The following FRAS1 variants were observed in gnomAD, a reference collection of about 807,000 sequenced individuals.
FRAS1 encodes Fraser extracellular matrix complex subunit 1.
A neutral mutation model predicts 435.2 loss-of-function variants in FRAS1; 290 were observed. The ratio of observed to expected loss-of-function variants is 0.67; its 90% confidence interval spans 0.61 to 0.73. The LOEUF (loss-of-function observed/expected upper bound fraction) is 0.73, where lower values mean the gene tolerates loss of function less well. FRAS1 is among the 30% of genes least tolerant of loss of function. FRAS1 has a pLI of 0.00. For missense variants in FRAS1, 4,860 were observed against 5,001.5 expected, an observed-to-expected ratio of 0.97 and a Z score of 0.85; for synonymous variants, 1,800 against 1,851.0, an observed-to-expected ratio of 0.97 and a Z score of 0.71.
intron 9 of FRAS1, 129 bp downstream of exon 9, chr4:78,267,561 A>G (rs1726428229): frequency 1.2e-6 from 1 of 802,200 alleles, no homozygotes; most frequent in Admixed American, 2.8e-5. Flanking sequence ...ACTTCATAGG[A>G]CCTTCTAGTG....
At chr4:78,147,402 T>C (rs1720462086) in intron 2 of FRAS1, among the ~76,000 whole-genome samples, 1 of 152,184 alleles carries the variant, frequency 6.6e-6, no homozygotes, top group Non-Finnish European at 1.5e-5. Flanking sequence ...AAACTTGGCT[T>C]TAATTCTAGC....
chr4:78,337,868 G>C, intron 20 of FRAS1, 51 bp downstream of exon 20: 2 of 1,599,944 alleles, frequency 1.3e-6, no homozygotes, highest in South Asian at 2.2e-5. Flanking sequence ...AGCTGCCGGG[G>C]CTCTTCATAC....
intron 20 of FRAS1, 140 bp downstream of exon 20, chr4:78,337,957 T>A: frequency 1.3e-6 from 1 of 748,700 alleles, no homozygotes; most frequent in Non-Finnish European, 2.3e-6. Context: ...GAAACTCATG[T>A]TACTGCTTCT....
intron 2 of FRAS1, among the ~76,000 whole-genome samples, chr4:78,123,169 G>A (rs1435788584): frequency 6.6e-6 from 1 of 152,194 alleles, no homozygotes; most frequent in Admixed American, 6.5e-5. Flanking sequence ...TGTAAGGAAA[G>A]GGTCCAGTTT....
intron 41 of FRAS1, among the ~76,000 whole-genome samples, chr4:78,441,610 G>A (rs894885987): frequency 2.7e-5 from 4 of 147,502 alleles, no homozygotes; most frequent in Admixed American, 1.4e-4. Context: ...GATTGAGTAC[G>A]ATGTTAGAAG....
chr4:78,538,416 A>G (rs1011597642), intron 72 of FRAS1, among the ~76,000 whole-genome samples: 1 of 152,212 alleles, frequency 6.6e-6, no homozygotes, highest in African/African-American at 2.4e-5. Flanking sequence ...TTGAGATCAC[A>G]AAAGCCACCA....
chr4:78,414,437 T>C (rs1393279287), intron 32 of FRAS1, among the ~76,000 whole-genome samples: 3 of 152,224 alleles, frequency 2.0e-5, no homozygotes, highest in Admixed American at 6.5e-5. Flanking sequence ...ATTAGGTCTG[T>C]CCAGTTAAAA....
At position 78,284,229 on chromosome 4, in the gene FRAS1, A is replaced by ATTTTTTTT. The variant is rs11453256; in HGVS notation, c.1256-160_1256-153dup. Among the ~76,000 whole-genome samples, 395 of 80,716 alleles carry ATTTTTTTT rather than the reference A, an allele frequency of 4.9e-3. 6 individuals are homozygous for ATTTTTTTT. The highest frequency in any genetic ancestry group is 0.016 in the African/African-American group (361 of 22,874). The allele number at this position is 80,716 out of a possible 152,430, so 53.0% of individuals were successfully genotyped here. A position where few individuals can be genotyped will look rare whatever the true frequency, so the allele number is the denominator to read the frequency against. ...TCCTTGCAATCTTGCATTGGAATGT[A>ATTTTTTTT]TTTTTTTTTTTTTTTTTTTTTTTGC... On this transcript the variant is annotated intron_variant, in intron 12 of 73. Transcript: ENST00000512123.
chr4:78,173,245 C>T (rs946345083), intron 2 of FRAS1, among the ~76,000 whole-genome samples: 17 of 152,224 alleles, frequency 1.1e-4, no homozygotes, highest in African/African-American at 4.1e-4. Context: ...GGTGGCTCAT[C>T]TCTCTCTTGA....
At chr4:78,156,957 C>A (rs1340774152) in intron 2 of FRAS1, among the ~76,000 whole-genome samples, 1 of 152,202 alleles carries the variant, frequency 6.6e-6, no homozygotes, top group Non-Finnish European at 1.5e-5. Context: ...CTGCGCCCAG[C>A]TTCTGAGTCT....
chr4:78,231,335 C>T (rs139881287), intron 2 of FRAS1, among the ~76,000 whole-genome samples: 12 of 151,278 alleles, frequency 7.9e-5, no homozygotes, highest in South Asian at 4.1e-4. Context: ...TGTTGAAAAA[C>T]GGAAAATACA....
At position 78,333,363 on chromosome 4, in the gene FRAS1, C is replaced by T. The variant is rs377057290; in HGVS notation, c.2229C>T (p.Cys743=). The change falls in exon 19 of 74, where the codon TGC becomes TGT. Residue 743 remains cysteine (C), a synonymous_variant. Transcript: ENST00000512123. ...GPSHVLLDGQ[C]LSQCPDGYFH... ...CCCATGTGCTGTTGGATGGGCAGTG[C>T]CTCTCCCAGTGCCCAGATGGCTACT... 9.3e-6 allele frequency: 15 copies of T among 1,611,796 alleles called. No individual in the cohort carries two copies. In the African/African-American group the frequency reaches 1.6e-4, roughly 17 times the overall value.
At chr4:78,439,150 T>C in intron 40 of FRAS1, 86 bp downstream of exon 40, 2 of 1,184,170 alleles carry the variant, frequency 1.7e-6, no homozygotes, top group Non-Finnish European at 2.4e-6. Context: ...CTGCCTAAAT[T>C]GGCTGCCAAA....
intron 18 of FRAS1, among the ~76,000 whole-genome samples, chr4:78,330,122 G>C (rs1409541168): frequency 6.6e-6 from 1 of 152,194 alleles, no homozygotes; most frequent in Non-Finnish European, 1.5e-5. Context: ...AACGTGGATT[G>C]TGAAGATTTC....
intron 2 of FRAS1, among the ~76,000 whole-genome samples, chr4:78,075,524 A>G (rs1312124614): frequency 6.6e-6 from 1 of 152,194 alleles, no homozygotes; most frequent in African/African-American, 2.4e-5. Context: ...GCAGTTTGGG[A>G]TAAGTGTCAG....
chr4:78,325,359 G>A (rs1729675840), intron 18 of FRAS1, among the ~76,000 whole-genome samples: 1 of 152,184 alleles, frequency 6.6e-6, no homozygotes, highest in Non-Finnish European at 1.5e-5. Context: ...TCATTTAGTT[G>A]TTGCTAAGAC....
chr4:78,138,186 C>G (rs1397159387), intron 2 of FRAS1, among the ~76,000 whole-genome samples: 1 of 152,174 alleles, frequency 6.6e-6, no homozygotes, highest in African/African-American at 2.4e-5. Context: ...TGCCAAATTG[C>G]CCATCACGTA....
At chr4:78,150,189 G>A (rs1720586394) in intron 2 of FRAS1, among the ~76,000 whole-genome samples, 1 of 152,204 alleles carries the variant, frequency 6.6e-6, no homozygotes, top group South Asian at 2.1e-4. Context: ...ATCTCAGGAA[G>A]AGCCTGCAGA....
intron 2 of FRAS1, among the ~76,000 whole-genome samples, chr4:78,124,499 G>A (rs1719225003): frequency 6.6e-6 from 1 of 152,210 alleles, no homozygotes; most frequent in Admixed American, 6.5e-5. Context: ...AAATGAGTTA[G>A]GGAGGATTCT....
Sources: gnomAD v4.1 joint callset for allele counts (sites outside exome capture counted in the v4.1 genomes callset) on GRCh38, gnomAD v4.1.1 for gene constraint, MANE v1.5 for transcripts, NCBI Gene and HGNC (gene_info 2026-07-23, HGNC 2026-07-21) for gene names.